Variants in ADGRL3 observed in about 807,000 individuals in gnomAD.
The protein encoded by ADGRL3 is calcium-independent alpha-latrotoxin receptor 3.
Under a neutral mutation model 153.5 loss-of-function variants are expected in ADGRL3, and 62 were observed. That is an observed-to-expected ratio of 0.40 (90% CI 0.33 to 0.50). The LOEUF is 0.50. Ranked by LOEUF, ADGRL3 falls within the 20% of genes least tolerant of loss-of-function variation. The pLI, the probability that ADGRL3 is intolerant of heterozygous loss-of-function variation, is 0.47. For synonymous variants in ADGRL3, 710 were observed against 672.5 expected (o/e 1.06, Z -0.86); for missense variants, 1,641 against 1,859.4 (o/e 0.88, Z 2.16).
chr4:61,390,722 A>G (rs2152001639), intron 2 of ADGRL3, among the ~76,000 whole-genome samples: 1 of 152,270 alleles, frequency 6.6e-6, no homozygotes, highest in East Asian at 1.9e-4. Flanking sequence ...AGAAAATTCT[A>G]TGAAATGGAA....
chr4:61,826,916 TA>T (rs34335394), intron 9 of ADGRL3, among the ~76,000 whole-genome samples: 4,877 of 149,864 alleles, frequency 0.033, 123 homozygotes, highest in East Asian at 0.11. Context: ...TAAAGTATAA[TA>T]AAAAAAAAAA....
intron 1 of ADGRL3, among the ~76,000 whole-genome samples, chr4:61,236,707 ATTAACT>A (rs1051551517): frequency 6.6e-6 from 1 of 152,152 alleles, no homozygotes; most frequent in Admixed American, 6.5e-5. Context: ...TGTCTGCCTT[ATTAACT>A]TTAAAGAAAA....
At chr4:61,240,458 A>G (rs1754479725) in intron 1 of ADGRL3, among the ~76,000 whole-genome samples, 1 of 152,126 alleles carries the variant, frequency 6.6e-6, no homozygotes, top group African/African-American at 2.4e-5. Flanking sequence ...TCTAAGGAAG[A>G]CTTTCTGCAT....
chr4:62,035,103 A>T (rs990947116), intron 23 of ADGRL3, among the ~76,000 whole-genome samples: 1 of 151,984 alleles, frequency 6.6e-6, no homozygotes. Flanking sequence ...GACATGGTCC[A>T]TGTTATTTTT....
At chr4:61,504,828 T>A (rs2098416940) in intron 3 of ADGRL3, among the ~76,000 whole-genome samples, 1 of 152,248 alleles carries the variant, frequency 6.6e-6, no homozygotes, top group Non-Finnish European at 1.5e-5. Flanking sequence ...ATTGTGTATG[T>A]GTAACCACAT....
At chr4:61,280,866 T>C (rs1396612908) in intron 1 of ADGRL3, among the ~76,000 whole-genome samples, 2 of 152,082 alleles carry the variant, frequency 1.3e-5, no homozygotes, top group Non-Finnish European at 2.9e-5. Context: ...TGATACAAAA[T>C]TTACACTCAC....
intron 8 of ADGRL3, among the ~76,000 whole-genome samples, chr4:61,782,892 A>G (rs570133639): frequency 1.3e-5 from 2 of 152,292 alleles, no homozygotes; most frequent in African/African-American, 4.8e-5. Flanking sequence ...TCTTAATTCA[A>G]GCACTGGGAA....
chr4:61,725,465 G>A (rs898114257), intron 6 of ADGRL3, among the ~76,000 whole-genome samples: 3 of 151,810 alleles, frequency 2.0e-5, no homozygotes, highest in African/African-American at 7.3e-5. Context: ...CGTGGTGGCA[G>A]GTGCCTGTAG....
At chr4:61,607,706 G>T (rs1406158689) in intron 5 of ADGRL3, among the ~76,000 whole-genome samples, 1 of 152,126 alleles carries the variant, frequency 6.6e-6, no homozygotes, top group African/African-American at 2.4e-5. Context: ...GAGCAGTAAA[G>T]AATTATAAAA....
intron 24 of ADGRL3, among the ~76,000 whole-genome samples, chr4:62,038,130 G>A (rs1017581579): frequency 2.0e-5 from 3 of 152,016 alleles, no homozygotes; most frequent in South Asian, 2.1e-4. Context: ...GGAATTTGCC[G>A]TTTCACCCAA....
chr4:61,270,150 G>T (rs898314362), intron 1 of ADGRL3, among the ~76,000 whole-genome samples: 14 of 151,630 alleles, frequency 9.2e-5, no homozygotes, highest in African/African-American at 3.4e-4. Flanking sequence ...ATTTAAACCT[G>T]TGGGACATGC....
At chr4:61,807,335 CTTTTT>C (rs57297844) in intron 8 of ADGRL3, among the ~76,000 whole-genome samples, 1 of 148,718 alleles carries the variant, frequency 6.7e-6, no homozygotes, top group Non-Finnish European at 1.5e-5. Context: ...TTTTTTTTAA[CTTTTT>C]TTTTTTTAGT....
chr4:61,435,954 T>C (rs2097440498), intron 2 of ADGRL3, among the ~76,000 whole-genome samples: 1 of 151,504 alleles, frequency 6.6e-6, no homozygotes, highest in Non-Finnish European at 1.5e-5. Flanking sequence ...CATTTTAAAA[T>C]TAAAAAAAAT....
chr4:61,717,570 A>T (rs2151581036), intron 6 of ADGRL3, among the ~76,000 whole-genome samples: 1 of 152,286 alleles, frequency 6.6e-6, no homozygotes, highest in Middle Eastern at 3.4e-3. Context: ...CCTATCAAAA[A>T]GTCGTTTTGA....
chr4:61,386,638 C>T (rs1182274997), intron 2 of ADGRL3, among the ~76,000 whole-genome samples: 3 of 152,082 alleles, frequency 2.0e-5, no homozygotes, highest in East Asian at 3.9e-4. Flanking sequence ...GAAAGTGTAG[C>T]TCTTTCTGCT....
At chr4:61,257,754 T>C (rs1297840998) in intron 1 of ADGRL3, among the ~76,000 whole-genome samples, 1 of 152,226 alleles carries the variant, frequency 6.6e-6, no homozygotes, top group Non-Finnish European at 1.5e-5. Flanking sequence ...TCAGTGATCA[T>C]CTGTAGTCAG....
At chr4:61,614,060 T>G (rs575365145) in intron 5 of ADGRL3, among the ~76,000 whole-genome samples, 1 of 152,102 alleles carries the variant, frequency 6.6e-6, no homozygotes, top group Non-Finnish European at 1.5e-5. Flanking sequence ...AAAATAGTAT[T>G]TTTACAAAGG....
At chr4:61,721,269 A>T (rs1356248326) in intron 6 of ADGRL3, among the ~76,000 whole-genome samples, 1 of 152,208 alleles carries the variant, frequency 6.6e-6, no homozygotes, top group Non-Finnish European at 1.5e-5. Context: ...CAAGGAAGCC[A>T]GTCTGAGTCC....
chr4:61,266,006 A>AG (rs1252627071), intron 1 of ADGRL3, among the ~76,000 whole-genome samples: 2 of 151,882 alleles, frequency 1.3e-5, no homozygotes, highest in African/African-American at 4.8e-5. Flanking sequence ...CGCATATTTA[A>AG]GTCTTTTTAT....
Sources: allele counts gnomAD v4.1 joint callset (sites outside exome capture counted in the v4.1 genomes callset), GRCh38; gene constraint gnomAD v4.1.1; transcripts MANE v1.5; gene names NCBI Gene and HGNC (gene_info 2026-07-23, HGNC 2026-07-21).